IL12RB2: variants seen among roughly 807,000 people sequenced by gnomAD.
IL12RB2 encodes interleukin 12 receptor subunit beta 2.
A neutral mutation model predicts 89.4 loss-of-function variants in IL12RB2; 82 were observed. The ratio of observed to expected loss-of-function variants is 0.92; its 90% CI spans 0.77 to 1.10. IL12RB2 has a LOEUF of 1.10. IL12RB2 is among the 50% of genes least tolerant of loss of function. IL12RB2 has a pLI of 0.00. For synonymous variants in IL12RB2, 368 were observed against 370.1 expected (o/e 0.99, Z 0.07); for missense variants, 963 against 1,031.9 (o/e 0.93, Z 0.92).
Position 67,338,637 on chromosome 1 carries a change from G to A in IL12RB2, c.972G>A (p.Met324Ile), listed in dbSNP as rs1558315153. 1.3e-6 allele frequency: 2 copies of A among 1,498,968 alleles called. No individual in the cohort carries two copies. Among genetic ancestry groups the A allele is most frequent in the South Asian group, 1.1e-5 (1 of 88,890 alleles). The allele number at this position is 1,498,968 out of a possible 1,614,324, so 92.9% of individuals were successfully genotyped here. A position where few individuals can be genotyped will look rare whatever the true frequency, so the allele number is the denominator to read the frequency against. Reference sequence around the variant, plus strand: ...CCTTTGAAACAGAGCCTACTGGGATGTTAGATGTCTGGTACATGAAACGGC... The same window carrying A: ...CCTTTGAAACAGAGCCTACTGGGATATTAGATGTCTGGTACATGAAACGGC... ...AQTPEEEPTG[M>I]LDVWYMKRHI... The change falls in exon 9 of 17, where the codon ATG becomes ATA. Residue 324 changes from methionine (M) to isoleucine (I), a missense_variant. Transcript: ENST00000674203.
At chr1:67,367,040 A>G (rs968448949) in intron 10 of IL12RB2, among the ~76,000 whole-genome samples, 2 of 152,210 alleles carry the variant, frequency 1.3e-5, no homozygotes, top group Non-Finnish European at 2.9e-5. Flanking sequence ...TGAAAGGTGG[A>G]TTAGAAAGAT....
intron 9 of IL12RB2, among the ~76,000 whole-genome samples, chr1:67,344,855 A>G (rs1371396238): frequency 6.6e-6 from 1 of 152,108 alleles, no homozygotes; most frequent in East Asian, 1.9e-4. Flanking sequence ...TCAACAGCAC[A>G]GCTTCTGTGT....
At chr1:67,344,191 G>A (rs982683932) in intron 9 of IL12RB2, among the ~76,000 whole-genome samples, 10 of 152,264 alleles carry the variant, frequency 6.6e-5, no homozygotes, top group East Asian at 1.9e-4. Context: ...ACTGTTCCAC[G>A]GAAATATAAG....
In IL12RB2 at chr1:67,369,319, T is replaced by A. The variant is rs555594401; in HGVS notation, c.1459+1294T>A. On this transcript the variant is annotated intron_variant, in intron 11 of 16. Transcript: ENST00000674203. Reference sequence around the variant, plus strand: ...AATGGGACGGCTTGACGGCTGTTGCTGGTTTTGACATTACACATAAAAGAG... The same window carrying A: ...AATGGGACGGCTTGACGGCTGTTGCAGGTTTTGACATTACACATAAAAGAG... Among the ~76,000 whole-genome samples, 26 of 152,372 alleles carry A rather than the reference T, an allele frequency of 1.7e-4. No individual in the cohort carries two copies. In the South Asian group the frequency reaches 5.2e-3, roughly 30 times the overall value.
intron 7 of IL12RB2, 50 bp downstream of exon 7, chr1:67,329,779 G>T (rs1305453371): frequency 4.8e-6 from 6 of 1,247,210 alleles, no homozygotes; most frequent in Admixed American, 1.7e-5. Context: ...TCTTAATATT[G>T]CTGCGCAGAC....
intron 11 of IL12RB2, among the ~76,000 whole-genome samples, chr1:67,372,067 C>CGTGTGTGTGT (rs112351422): frequency 6.6e-6 from 1 of 151,184 alleles, no homozygotes. Context: ...AGTCTGGGTG[C>CGTGTGTGTGT]GTGTGTGTGT....
At chr1:67,351,116 G>A (rs535060816) in intron 10 of IL12RB2, 27 bp downstream of exon 10, 1 of 1,610,072 alleles carries the variant, frequency 6.2e-7, no homozygotes, top group African/African-American at 1.3e-5. Context: ...CTTTAACATT[G>A]CCTGTGGAAA....
rs762817718 is a variant in IL12RB2 at position 67,372,643 on chromosome 1, A to G, written c.1577A>G (p.His526Arg). 4 of 1,613,830 alleles carry G rather than the reference A, an allele frequency of 2.5e-6. No homozygotes were observed. The highest frequency in any genetic ancestry group is 3.4e-6 in the Non-Finnish European group (4 of 1,179,710). The change falls in exon 13 of 17, where the codon CAC becomes CGC. Residue 526 changes from histidine (H) to arginine (R), a missense_variant. His to Arg is a conservative substitution (Grantham distance 29). Transcript: ENST00000674203. ...SKHKAPLSGPHINAITEEKGS... is the reference protein window; with the variant it reads ...SKHKAPLSGPRINAITEEKGS... ...TTTACAGCACCACTGAGTGGCCCCC[A>G]CATTAATGCCATCACAGAGGAAAAG...
intron 14 of IL12RB2, among the ~76,000 whole-genome samples, chr1:67,385,558 G>T (rs973450029): frequency 1.3e-5 from 2 of 152,162 alleles, no homozygotes; most frequent in Admixed American, 1.3e-4. Context: ...CTACATTCAT[G>T]ACTTCTTTAG....
At chr1:67,319,844 T>C (rs775234957) in intron 2 of IL12RB2, among the ~76,000 whole-genome samples, 13 of 152,122 alleles carry the variant, frequency 8.5e-5, no homozygotes, top group Admixed American at 2.0e-4. Flanking sequence ...GAAGGTAGAA[T>C]TTTTACGAAT....
rs550549797 is a variant in IL12RB2, at chr1:67,357,246, C to T, written c.1258+6157C>T. ...AAGAAAAATTAGCTGGGTGTGATGG[C>T]GCACACCTGTAATCCCAGCTACTCA... On this transcript the variant is annotated intron_variant, in intron 10 of 16. Transcript: ENST00000674203. Among the ~76,000 whole-genome samples the T allele has an allele frequency of 2.3e-3, 351 of 152,148 alleles. 2 individuals are homozygous for T. The highest frequency in any genetic ancestry group is 3.8e-3 in the Non-Finnish European group (259 of 68,010).
intron 15 of IL12RB2, among the ~76,000 whole-genome samples, chr1:67,388,533 A>G (rs1358790026): frequency 6.6e-6 from 1 of 152,068 alleles, no homozygotes; most frequent in Non-Finnish European, 1.5e-5. Flanking sequence ...TTTGGTAGAG[A>G]TGGGGTTTCA....
intron 1 of IL12RB2, among the ~76,000 whole-genome samples, chr1:67,309,422 A>G (rs183334705): frequency 3.4e-4 from 52 of 152,266 alleles, no homozygotes; most frequent in Non-Finnish European, 6.5e-4. Flanking sequence ...CTCATTTTCC[A>G]TTAATAGGAA....
At chr1:67,360,593 T>G (rs941312234) in intron 10 of IL12RB2, among the ~76,000 whole-genome samples, 5 of 151,740 alleles carry the variant, frequency 3.3e-5, no homozygotes, top group Non-Finnish European at 7.4e-5. Flanking sequence ...GTCAGGAGTT[T>G]GAGACCAGCC....
At chr1:67,324,197 G>A (rs552314428) in intron 4 of IL12RB2, among the ~76,000 whole-genome samples, 213 of 152,200 alleles carry the variant, frequency 1.4e-3, no homozygotes, top group African/African-American at 4.7e-3. Flanking sequence ...ACATGGGTAC[G>A]TATATATACA....
At chr1:67,377,342 T>C (rs2101047597) in intron 13 of IL12RB2, among the ~76,000 whole-genome samples, 1 of 152,294 alleles carries the variant, frequency 6.6e-6, no homozygotes, top group South Asian at 2.1e-4. Context: ...GTTGAGTATA[T>C]GACGCTGAGT....
chr1:67,310,891 A>C (rs936211109), intron 1 of IL12RB2, among the ~76,000 whole-genome samples: 13 of 151,920 alleles, frequency 8.6e-5, no homozygotes, highest in Non-Finnish European at 1.8e-4. Flanking sequence ...TGCCCAGCTA[A>C]TTTTTGTATT....
chr1:67,366,200 C>T (rs1234458532), intron 10 of IL12RB2, among the ~76,000 whole-genome samples: 2 of 151,912 alleles, frequency 1.3e-5, no homozygotes, highest in Non-Finnish European at 2.9e-5. Flanking sequence ...ACCTGTAATC[C>T]CAGCACTTTG....
intron 8 of IL12RB2, among the ~76,000 whole-genome samples, chr1:67,337,237 G>C (rs886663334): frequency 4.6e-5 from 7 of 152,040 alleles, no homozygotes; most frequent in African/African-American, 1.7e-4. Flanking sequence ...TTTCCATCTG[G>C]TTAGATGGAA....
Sources: allele counts gnomAD v4.1 joint callset (sites outside exome capture counted in the v4.1 genomes callset), GRCh38; gene constraint gnomAD v4.1.1; transcripts MANE v1.5; gene names NCBI Gene and HGNC (gene_info 2026-07-23, HGNC 2026-07-21).